Variants in NRXN1 observed in about 807,000 individuals in gnomAD.
NRXN1 encodes the protein neurexin-1.
A neutral mutation model predicts 150.9 loss-of-function variants in NRXN1; 39 were observed. The observed-to-expected ratio is 0.26, with a 90% confidence interval of 0.20 to 0.34. NRXN1 has a LOEUF of 0.34. Ranked by LOEUF, NRXN1 falls within the 10% of genes least tolerant of loss-of-function variation. The pLI is 1.00. For synonymous variants in NRXN1, 924 were observed against 757.0 expected, an observed-to-expected ratio of 1.22 and a Z score of -3.62; for missense variants, 1,815 against 1,949.9, an observed-to-expected ratio of 0.93 and a Z score of 1.30.
intron 12 of NRXN1, among the ~76,000 whole-genome samples, chr2:50,523,906 C>T (rs1333018844): frequency 6.6e-6 from 1 of 152,124 alleles, no homozygotes; most frequent in Non-Finnish European, 1.5e-5. Flanking sequence ...CTTAAATACA[C>T]TATTTTCTGT....
At chr2:50,589,402 G>C (rs968685877) in intron 8 of NRXN1, 3 of 152,292 alleles carry the variant, frequency 2.0e-5, no homozygotes, top group Non-Finnish European at 4.4e-5. Context: ...AGGATCAACT[G>C]TCCAGCCCGT....
chr2:49,998,595 CT>C (rs1683384891), intron 21 of NRXN1, among the ~76,000 whole-genome samples: 2 of 152,026 alleles, frequency 1.3e-5, no homozygotes, highest in East Asian at 3.9e-4. Flanking sequence ...CCAATTTTTG[CT>C]GAAAAACCAA....
At chr2:50,443,215 G>A (rs560414772) in intron 17 of NRXN1, among the ~76,000 whole-genome samples, 1 of 151,576 alleles carries the variant, frequency 6.6e-6, no homozygotes, top group South Asian at 2.1e-4. Flanking sequence ...GACAATTCAA[G>A]GGGGGGAGAG....
At chr2:49,952,781 AC>A (rs1375827092) in intron 21 of NRXN1, among the ~76,000 whole-genome samples, 3 of 152,106 alleles carry the variant, frequency 2.0e-5, no homozygotes, top group Non-Finnish European at 4.4e-5. Flanking sequence ...TCTCTCTCTT[AC>A]TAACTACTGT....
intron 5 of NRXN1, among the ~76,000 whole-genome samples, chr2:50,811,190 C>A (rs531252522): frequency 3.9e-5 from 6 of 152,222 alleles, no homozygotes; most frequent in African/African-American, 1.4e-4. Context: ...CTCTCAATGA[C>A]CGGCTAATCC....
chr2:50,962,462 C>G (rs1334333398), intron 2 of NRXN1, among the ~76,000 whole-genome samples: 1 of 151,644 alleles, frequency 6.6e-6, no homozygotes, highest in East Asian at 1.9e-4. Context: ...GGCCTCCACA[C>G]ATTACAGCTT....
At chr2:50,057,748 A>G (rs998746845) in intron 19 of NRXN1, among the ~76,000 whole-genome samples, 3 of 152,194 alleles carry the variant, frequency 2.0e-5, no homozygotes, top group African/African-American at 7.2e-5. Context: ...AACAACATTA[A>G]AAAGAAAAAG....
intron 15 of NRXN1, among the ~76,000 whole-genome samples, chr2:50,480,453 T>G (rs532702638): frequency 6.6e-6 from 1 of 152,172 alleles, no homozygotes; most frequent in Non-Finnish European, 1.5e-5. Flanking sequence ...ATGGACACCA[T>G]GAGCACTTCA....
chr2:50,613,904 C>T (rs1369014453), intron 8 of NRXN1, among the ~76,000 whole-genome samples: 1 of 152,142 alleles, frequency 6.6e-6, no homozygotes, highest in Non-Finnish European at 1.5e-5. Flanking sequence ...TGCCACTGCA[C>T]TCCAGCCTGG....
chr2:50,921,893 T>C lies in NRXN1; in HGVS notation c.821-13A>G, dbSNP rs771998406. On this transcript the variant is annotated splice_polypyrimidine_tract_variant and intron_variant, in intron 4 of 22. Transcript: ENST00000401669. ...CCTTTACTTTTACCTATGGATTTGA[T>C]GAAATGGGTCCATGAAGAAAGGGTT... 1 of 1,398,664 alleles carries C rather than the reference T, an allele frequency of 7.1e-7. No individual in the cohort carries two copies. Among genetic ancestry groups the C allele is most frequent in the Non-Finnish European group, 9.6e-7 (1 of 1,046,166 alleles). 86.6% of individuals were successfully genotyped at this position (1,398,664 alleles called of 1,614,324 possible).
chr2:50,229,319 G>A (rs1015977230), intron 18 of NRXN1, among the ~76,000 whole-genome samples: 3 of 120,036 alleles, frequency 2.5e-5, no homozygotes, highest in Non-Finnish European at 3.6e-5. Flanking sequence ...GGCTTTCAGC[G>A]CATTTTTTTT....
intron 9 of NRXN1, among the ~76,000 whole-genome samples, chr2:50,549,609 C>A (rs996220883): frequency 6.6e-6 from 1 of 152,136 alleles, no homozygotes; most frequent in Non-Finnish European, 1.5e-5. Flanking sequence ...TTCTGTTCTT[C>A]CCATACAGAA....
At chr2:49,938,974 A>T (rs1041468993) in intron 22 of NRXN1, among the ~76,000 whole-genome samples, 3 of 152,152 alleles carry the variant, frequency 2.0e-5, no homozygotes, top group Admixed American at 6.6e-5. Context: ...CCATTTTGTC[A>T]ATTTACTAAG....
intron 18 of NRXN1, among the ~76,000 whole-genome samples, chr2:50,150,848 C>G (rs1047452832): frequency 1.3e-5 from 2 of 151,694 alleles, no homozygotes; most frequent in Non-Finnish European, 3.0e-5. Flanking sequence ...TAGGCTCAAA[C>G]TGGGCCAAAC....
At chr2:50,460,634 C>T (rs993569691) in intron 17 of NRXN1, among the ~76,000 whole-genome samples, 3 of 151,974 alleles carry the variant, frequency 2.0e-5, no homozygotes, top group African/African-American at 4.8e-5. Context: ...TAGCAGATAG[C>T]ACTTCTATGA....
chr2:50,115,217 G>GTATATATATA (rs35673922), intron 18 of NRXN1, among the ~76,000 whole-genome samples: 2,946 of 134,794 alleles, frequency 0.022, 47 homozygotes, highest in Non-Finnish European at 0.029. Context: ...TATGTTATGT[G>GTATATATATA]TATATATATA....
chr2:50,758,994 T>C (rs1442796907), intron 5 of NRXN1, among the ~76,000 whole-genome samples: 1 of 152,086 alleles, frequency 6.6e-6, no homozygotes, highest in South Asian at 2.1e-4. Flanking sequence ...CAAGAGTTTG[T>C]ATTAGAGTTG....
intron 18 of NRXN1, among the ~76,000 whole-genome samples, chr2:50,208,461 C>A (rs1481376611): frequency 6.6e-6 from 1 of 152,114 alleles, no homozygotes; most frequent in Non-Finnish European, 1.5e-5. Context: ...CTTTGTAAAT[C>A]TTTCTCACAG....
intron 5 of NRXN1, among the ~76,000 whole-genome samples, chr2:50,876,934 CT>C (rs1678682207): frequency 6.6e-6 from 1 of 151,854 alleles, no homozygotes; most frequent in South Asian, 2.1e-4. Flanking sequence ...CTGTTTGCTT[CT>C]GTTAAAATCT....
Sources: allele counts gnomAD v4.1 joint callset (sites outside exome capture counted in the v4.1 genomes callset), GRCh38; gene constraint gnomAD v4.1.1; transcripts MANE v1.5; gene names NCBI Gene and HGNC (gene_info 2026-07-23, HGNC 2026-07-21).